The following GRIK1 variants were observed in gnomAD, a reference collection of about 807,000 sequenced individuals.
GRIK1 encodes the protein glutamate ionotropic receptor kainate type subunit 1, also known as glutamate receptor ionotropic, kainate 1.
GRIK1 carries 69 observed loss-of-function variants against 105.7 expected under a neutral mutation model. That is an observed-to-expected ratio of 0.65 (90% CI 0.54 to 0.80). The LOEUF is 0.80. GRIK1 is among the 30% of genes least tolerant of loss of function. The pLI is 0.00. For synonymous variants in GRIK1, 438 were observed against 431.3 expected (o/e 1.02, Z -0.19); for missense variants, 1,109 against 1,167.3 (o/e 0.95, Z 0.73).
At chr21:29,564,730 C>T (rs1481551009) in intron 14 of GRIK1, among the ~76,000 whole-genome samples, 1 of 152,182 alleles carries the variant, frequency 6.6e-6, no homozygotes, top group Non-Finnish European at 1.5e-5. Context: ...GGTCATACCA[C>T]CTGTGACTCA....
At chr21:29,918,621 T>C (rs369949765) in intron 1 of GRIK1, among the ~76,000 whole-genome samples, 39 of 152,214 alleles carry the variant, frequency 2.6e-4, no homozygotes, top group African/African-American at 8.7e-4. Flanking sequence ...GTGAAATGTG[T>C]GTGTGTCAAT....
At chr21:29,843,198 T>C (rs1030293567) in intron 1 of GRIK1, among the ~76,000 whole-genome samples, 1 of 152,164 alleles carries the variant, frequency 6.6e-6, no homozygotes, top group South Asian at 2.1e-4. Flanking sequence ...TGAATGATGG[T>C]TGCTAATGCC....
At chr21:29,808,821 C>T (rs2066932041) in intron 1 of GRIK1, among the ~76,000 whole-genome samples, 1 of 152,104 alleles carries the variant, frequency 6.6e-6, no homozygotes, top group South Asian at 2.1e-4. Flanking sequence ...TTCCTTAGCC[C>T]CCCATGTTTG....
intron 12 of GRIK1, among the ~76,000 whole-genome samples, chr21:29,583,548 C>G (rs1395379705): frequency 1.3e-5 from 2 of 152,170 alleles, no homozygotes; most frequent in African/African-American, 4.8e-5. Context: ...GAGCTCATCA[C>G]TTCCCTCTTT....
chr21:29,791,515 G>T (rs979100955), intron 1 of GRIK1, among the ~76,000 whole-genome samples: 6 of 151,906 alleles, frequency 3.9e-5, no homozygotes, highest in Non-Finnish European at 8.8e-5. Flanking sequence ...GAAGTGGGGG[G>T]GGAATTTAAA....
intron 1 of GRIK1, among the ~76,000 whole-genome samples, chr21:29,765,028 A>G (rs1269562838): frequency 2.0e-5 from 3 of 152,318 alleles, no homozygotes; most frequent in South Asian, 2.1e-4. Context: ...GAAATAAAAC[A>G]TGATTTTCAA....
rs933728166 is a variant in GRIK1, at chr21:29,623,891, T to G, written c.1098+18935A>C. Among the ~76,000 whole-genome samples the G allele has an allele frequency of 5.9e-5, 9 of 152,340 alleles. No individual in the cohort carries two copies. The East Asian group carries it at 1.7e-3, about 29-fold the overall frequency. ...AAAGTAATCTTTCATAGAGAGAATT[T>G]CATTTATTGTCTTTATTTTTGAAAT... On this transcript the variant is annotated intron_variant, in intron 7 of 17. Coordinates refer to ENST00000327783, the MANE Select transcript of GRIK1 (RefSeq NM_001330994.2).
intron 15 of GRIK1, 132 bp downstream of exon 15, chr21:29,561,492 T>C (rs2090478412): frequency 1.1e-5 from 7 of 632,234 alleles, no homozygotes; most frequent in Middle Eastern, 4.2e-4. Flanking sequence ...ATATGGATGT[T>C]TACATTATTA....
At chr21:29,894,833 T>G (rs1170124289) in intron 1 of GRIK1, among the ~76,000 whole-genome samples, 1 of 152,222 alleles carries the variant, frequency 6.6e-6, no homozygotes, top group East Asian at 1.9e-4. Context: ...ATATGGATAC[T>G]GCAACATATT....
At position 29,642,971 on chromosome 21, in the gene GRIK1, T is replaced by A; in HGVS notation, c.955-2A>T. 1.2e-6 allele frequency: 2 copies of A among 1,612,636 alleles called. No individual in the cohort carries two copies. The highest frequency in any genetic ancestry group is 8.5e-7 in the Non-Finnish European group (1 of 1,179,180). Reference sequence around the variant, plus strand: ...ATCGTACATCAGAGCCGCTTCAGTCTGTGGAGGAAAACACACACCGCATCT... The same window carrying A: ...ATCGTACATCAGAGCCGCTTCAGTCAGTGGAGGAAAACACACACCGCATCT... On this transcript the variant is annotated splice_acceptor_variant, in intron 6 of 17. Coordinates refer to ENST00000327783, the MANE Select transcript of GRIK1 (RefSeq NM_001330994.2). LOFTEE classifies it high-confidence loss of function.
intron 1 of GRIK1, among the ~76,000 whole-genome samples, chr21:29,828,704 T>C (rs1359854281): frequency 6.6e-6 from 1 of 152,076 alleles, no homozygotes; most frequent in Non-Finnish European, 1.5e-5. Flanking sequence ...CTCACTATGT[T>C]GCCCAGAATG....
chr21:29,676,308 A>G (rs2063265739), intron 3 of GRIK1, among the ~76,000 whole-genome samples: 1 of 152,204 alleles, frequency 6.6e-6, no homozygotes. Flanking sequence ...AACAAAGAAC[A>G]GGGAGGGAGT....
intron 1 of GRIK1, among the ~76,000 whole-genome samples, chr21:29,802,899 G>T (rs776473975): frequency 6.6e-6 from 1 of 152,148 alleles, no homozygotes; most frequent in Non-Finnish European, 1.5e-5. Flanking sequence ...TGTTCCTTGA[G>T]GGAGGCACTA....
intron 11 of GRIK1, 140 bp downstream of exon 11, chr21:29,588,699 C>T: frequency 1.6e-6 from 1 of 614,544 alleles, no homozygotes; most frequent in Non-Finnish European, 2.9e-6. Flanking sequence ...AAGCAAACTC[C>T]ATTTCCAGGC....
At chr21:29,673,533 C>T (rs1290711162) in intron 3 of GRIK1, among the ~76,000 whole-genome samples, 1 of 152,170 alleles carries the variant, frequency 6.6e-6, no homozygotes, top group African/African-American at 2.4e-5. Context: ...TAGATCACAC[C>T]TGCTCACTTA....
At chr21:29,784,374 A>C (rs1355756323) in intron 1 of GRIK1, among the ~76,000 whole-genome samples, 2 of 152,178 alleles carry the variant, frequency 1.3e-5, no homozygotes, top group African/African-American at 4.8e-5. Context: ...ACAGATAATA[A>C]TATTGACAAA....
chr21:29,759,439 C>T (rs1391395639), intron 1 of GRIK1, among the ~76,000 whole-genome samples: 1 of 152,144 alleles, frequency 6.6e-6, no homozygotes, highest in East Asian at 1.9e-4. Context: ...TTTTCTAATG[C>T]TATGTTTTCA....
At chr21:29,834,283 A>G (rs934368994) in intron 1 of GRIK1, among the ~76,000 whole-genome samples, 6 of 149,724 alleles carry the variant, frequency 4.0e-5, no homozygotes, top group Admixed American at 4.0e-4. Flanking sequence ...TTATTTTTTG[A>G]AAACTATTAA....
chr21:29,821,992 C>A (rs2067319345), intron 1 of GRIK1, among the ~76,000 whole-genome samples: 1 of 151,882 alleles, frequency 6.6e-6, no homozygotes, highest in South Asian at 2.1e-4. Flanking sequence ...ATAAGTGGAC[C>A]AACCTAGTTC....
Sources: gnomAD v4.1 joint callset for allele counts (sites outside exome capture counted in the v4.1 genomes callset) on GRCh38, gnomAD v4.1.1 for gene constraint, MANE v1.5 for transcripts, NCBI Gene and HGNC (gene_info 2026-07-23, HGNC 2026-07-21) for gene names.